The following SNTG1 variants were observed in gnomAD, a reference collection of about 807,000 sequenced individuals.
The protein encoded by SNTG1 is gamma-1-syntrophin.
In SNTG1, 39 loss-of-function variants were observed where a neutral mutation model predicts 74.7. The ratio of observed to expected loss-of-function variants is 0.52; its 90% CI spans 0.40 to 0.68. SNTG1 has a LOEUF of 0.68. Among genes scored for constraint, SNTG1 ranks in the 30% least tolerant of loss-of-function variants. The pLI is 0.00. For missense variants in SNTG1, 685 were observed against 609.5 expected, an observed-to-expected ratio of 1.12 and a Z score of -1.30; for synonymous variants, 254 against 217.1, an observed-to-expected ratio of 1.17 and a Z score of -1.49.
At chr8:49,952,452 A>G (rs1303106212) in intron 1 of SNTG1, among the ~76,000 whole-genome samples, 2 of 152,206 alleles carry the variant, frequency 1.3e-5, no homozygotes, top group South Asian at 2.1e-4. Context: ...ACAAACGAGC[A>G]TGGAAATGGG....
chr8:50,526,461 T>A (rs755274378), intron 9 of SNTG1, among the ~76,000 whole-genome samples: 6 of 152,160 alleles, frequency 3.9e-5, no homozygotes, highest in Non-Finnish European at 7.3e-5. Context: ...CCTGGGTTAC[T>A]GTGACTTATT....
chr8:50,758,395 C>T (rs893294439), intron 18 of SNTG1, among the ~76,000 whole-genome samples: 4 of 151,820 alleles, frequency 2.6e-5, no homozygotes, highest in Admixed American at 6.6e-5. Context: ...TAGGTATACA[C>T]GTGCCATGGT....
chr8:50,060,253 T>C (rs376862447), intron 1 of SNTG1, among the ~76,000 whole-genome samples: 2 of 152,124 alleles, frequency 1.3e-5, no homozygotes, highest in South Asian at 2.1e-4. Flanking sequence ...ATATTCTAGA[T>C]ACAAGTGCCT....
At chr8:50,195,099 C>T (rs1473690344) in intron 2 of SNTG1, among the ~76,000 whole-genome samples, 3 of 152,098 alleles carry the variant, frequency 2.0e-5, no homozygotes, top group African/African-American at 4.8e-5. Flanking sequence ...TCAGTCTCTA[C>T]TTGGGCAGTT....
At chr8:50,734,483 A>G (rs990438863) in intron 17 of SNTG1, among the ~76,000 whole-genome samples, 1 of 151,158 alleles carries the variant, frequency 6.6e-6, no homozygotes, top group African/African-American at 2.4e-5. Flanking sequence ...TTCTCCCATC[A>G]TTATTGACAT....
At chr8:50,415,792 A>G (rs572515512) in intron 4 of SNTG1, among the ~76,000 whole-genome samples, 117 of 152,284 alleles carry the variant, frequency 7.7e-4, no homozygotes, top group African/African-American at 2.8e-3. Flanking sequence ...TAAATTTATA[A>G]GTGGAATGTG....
intron 13 of SNTG1, among the ~76,000 whole-genome samples, chr8:50,622,886 T>C (rs74931389): frequency 0.043 from 6,551 of 152,186 alleles, 247 homozygotes; most frequent in African/African-American, 0.095. Context: ...TATGTCTCCT[T>C]ATAATGAATT....
intron 1 of SNTG1, among the ~76,000 whole-genome samples, chr8:50,008,956 T>G (rs767434125): frequency 6.6e-6 from 1 of 152,320 alleles, no homozygotes; most frequent in South Asian, 2.1e-4. Context: ...AATTTTCAAG[T>G]AATTTTAGTT....
At chr8:50,712,297 G>GA (rs565097230) in intron 17 of SNTG1, among the ~76,000 whole-genome samples, 30 of 151,960 alleles carry the variant, frequency 2.0e-4, no homozygotes, top group Middle Eastern at 3.4e-3. Context: ...AGCCAGATTT[G>GA]AAAAAAGGTC....
chr8:50,064,397 T>C (rs1820730773), intron 1 of SNTG1, among the ~76,000 whole-genome samples: 1 of 152,168 alleles, frequency 6.6e-6, no homozygotes, highest in African/African-American at 2.4e-5. Context: ...ACCCATCTCC[T>C]TCTGCTTACC....
chr8:50,145,190 C>T (rs1204227116), intron 1 of SNTG1, among the ~76,000 whole-genome samples: 1 of 152,094 alleles, frequency 6.6e-6, no homozygotes, highest in Non-Finnish European at 1.5e-5. Context: ...AAGGGGGAGC[C>T]TCATTGGAAT....
At chr8:50,340,371 T>C (rs1027641253) in intron 2 of SNTG1, among the ~76,000 whole-genome samples, 1 of 151,934 alleles carries the variant, frequency 6.6e-6, no homozygotes, top group African/African-American at 2.4e-5. Flanking sequence ...AGCAAAAGAA[T>C]AGACAAATTG....
intron 15 of SNTG1, among the ~76,000 whole-genome samples, chr8:50,692,470 A>T (rs1220358418): frequency 6.6e-6 from 1 of 152,100 alleles, no homozygotes; most frequent in Non-Finnish European, 1.5e-5. Flanking sequence ...CTTCCAGCAG[A>T]CAGGACCCTT....
At chr8:50,587,778 C>T (rs373312275) in intron 12 of SNTG1, among the ~76,000 whole-genome samples, 1 of 142,784 alleles carries the variant, frequency 7.0e-6, no homozygotes, top group Non-Finnish European at 1.5e-5. Context: ...GCCTGGGGGA[C>T]GAGAGTGAGA....
chr8:50,011,727 G>A (rs1178389740), intron 1 of SNTG1: 1 of 151,938 alleles, frequency 6.6e-6, no homozygotes, highest in Non-Finnish European at 1.5e-5. Flanking sequence ...CTGTTTTAAT[G>A]TCAATGGGGA....
chr8:50,657,518 T>C (rs2131271961), intron 14 of SNTG1, among the ~76,000 whole-genome samples: 1 of 152,286 alleles, frequency 6.6e-6, no homozygotes, highest in South Asian at 2.1e-4. Flanking sequence ...TTACTAGTAA[T>C]TTATTATTAG....
chr8:50,449,029 T>C (rs1422179540), intron 5 of SNTG1, among the ~76,000 whole-genome samples: 1 of 151,590 alleles, frequency 6.6e-6, no homozygotes, highest in Non-Finnish European at 1.5e-5. Context: ...CTCCTCCGTC[T>C]CAAAAAATAA....
At chr8:50,772,465 G>C (rs2095629614) in intron 18 of SNTG1, among the ~76,000 whole-genome samples, 1 of 151,996 alleles carries the variant, frequency 6.6e-6, no homozygotes, top group African/African-American at 2.4e-5. Context: ...TTTTATCTTG[G>C]AAATAAATAA....
intron 15 of SNTG1, among the ~76,000 whole-genome samples, chr8:50,670,877 G>T (rs2131342286): frequency 6.6e-6 from 1 of 151,796 alleles, no homozygotes; most frequent in Admixed American, 6.6e-5. Context: ...AGAGCCCTCA[G>T]AAATGACGCC....
Sources: allele counts gnomAD v4.1 joint callset (sites outside exome capture counted in the v4.1 genomes callset), GRCh38; gene constraint gnomAD v4.1.1; transcripts MANE v1.5; gene names NCBI Gene and HGNC (gene_info 2026-07-23, HGNC 2026-07-21).